Variants in ANAPC4 observed in about 807,000 individuals in gnomAD.
ANAPC4 encodes anaphase promoting complex subunit 4.
ANAPC4 carries 63 observed loss-of-function variants against 119.8 expected under a neutral mutation model. The ratio of observed to expected loss-of-function variants is 0.53; its 90% CI spans 0.43 to 0.65. ANAPC4 has a LOEUF of 0.65. ANAPC4 is among the 30% of genes least tolerant of loss of function. ANAPC4 has a pLI of 0.00. For missense variants in ANAPC4, 716 were observed against 945.1 expected, an observed-to-expected ratio of 0.76 and a Z score of 3.18; for synonymous variants, 283 against 318.6, an observed-to-expected ratio of 0.89 and a Z score of 1.19.
chr4:25,414,291 T>A (rs1190231512), intron 22 of ANAPC4, 33 bp from the exon 23 acceptor site: 1 of 1,396,490 alleles, frequency 7.2e-7, no homozygotes, highest in Non-Finnish European at 9.9e-7. Flanking sequence ...ATATTAACGC[T>A]CTAATTATAT....
At chr4:25,377,861 TA>T (rs1216934284) in intron 2 of ANAPC4, among the ~76,000 whole-genome samples, 6 of 152,376 alleles carry the variant, frequency 3.9e-5, no homozygotes, top group Admixed American at 3.3e-4. Context: ...ATTGGTTTAT[TA>T]GTTAAATGAA....
At chr4:25,415,670 A>T in intron 26 of ANAPC4, 130 bp downstream of exon 26, 1 of 680,638 alleles carries the variant, frequency 1.5e-6, no homozygotes, top group East Asian at 2.8e-5. Flanking sequence ...CATCAAGGGC[A>T]GGATTCTTTG....
intron 9 of ANAPC4, among the ~76,000 whole-genome samples, chr4:25,391,352 G>A (rs1391320340): frequency 6.6e-6 from 1 of 152,146 alleles, no homozygotes; most frequent in Non-Finnish European, 1.5e-5. Flanking sequence ...TTTAATATGT[G>A]CCATATGCTG....
intron 9 of ANAPC4, 103 bp downstream of exon 9, chr4:25,391,118 A>G: frequency 1.2e-6 from 1 of 828,738 alleles, no homozygotes; most frequent in Non-Finnish European, 1.8e-6. Flanking sequence ...TCATTAAAAT[A>G]ATGCAAAAAA....
At position 25,407,246 on chromosome 4, in the gene ANAPC4, T is replaced by C; in HGVS notation, c.1424T>C (p.Val475Ala). 1 of 1,608,204 alleles carries C rather than the reference T, an allele frequency of 6.2e-7. No individual in the cohort carries two copies. The highest frequency in any genetic ancestry group is 8.5e-7 in the Non-Finnish European group (1 of 1,178,100). Reference protein sequence around the residue: ...RKGKYFNVERVGQYLKDEDDD... With the variant: ...RKGKYFNVERAGQYLKDEDDD... ...GGAAAATACTTTAACGTTGAAAGAG[T>C]TGGTCAGGTATGGGCTTTGAACTCA... is the stretch of plus-strand genomic sequence containing the variant. The change falls in exon 20 of 29, where the codon GTT becomes GCT. Residue 475 changes from valine to alanine, a missense_variant. Coordinates refer to ENST00000315368, the MANE Select transcript of ANAPC4 (RefSeq NM_013367.3).
chr4:25,382,820 G>C (rs1721812327), intron 3 of ANAPC4, among the ~76,000 whole-genome samples: 1 of 152,162 alleles, frequency 6.6e-6, no homozygotes, highest in African/African-American at 2.4e-5. Context: ...TGTGTTTAAT[G>C]GCCTCGTTTC....
rs1723455839 is a variant in ANAPC4 at position 25,409,686 on chromosome 4, C to G, written c.1432-12C>G. 2 of 1,577,372 alleles carry G rather than the reference C, an allele frequency of 1.3e-6. No homozygotes were observed. The highest frequency in any genetic ancestry group is 1.7e-5 in the Admixed American group (1 of 57,882). On this transcript the variant is annotated splice_polypyrimidine_tract_variant and intron_variant, in intron 20 of 28. Transcript: ENST00000315368. Reference sequence around the variant, plus strand: ...TATGAATAAACTTAAATTTCTAATTCTGTATTTCTAGTACTTGAAAGATGA... The same window carrying G: ...TATGAATAAACTTAAATTTCTAATTGTGTATTTCTAGTACTTGAAAGATGA...
At chr4:25,381,503 G>A (rs927965686) in intron 3 of ANAPC4, among the ~76,000 whole-genome samples, 17 of 152,240 alleles carry the variant, frequency 1.1e-4, no homozygotes, top group Admixed American at 1.1e-3. Flanking sequence ...GTAGAGAAAA[G>A]GTTTCACTGT....
At position 25,394,690 on chromosome 4, in the gene ANAPC4, T is replaced by C; in HGVS notation, c.961T>C (p.Leu321=). ...GKASAELQTL[L]MNQLTVKGLK... is the part of the protein sequence containing the mutation. ...TTGTAGTGCTGAACTTCAGACTCTC[T>C]TGATGAATCAGTTAACAGTAAAGGT... Residue 321 remains leucine, a synonymous_variant, in exon 13 of 29, where the codon TTG becomes CTG. Coordinates refer to ENST00000315368, the MANE Select transcript of ANAPC4 (RefSeq NM_013367.3). 1 of 1,603,944 alleles carries C rather than the reference T, an allele frequency of 6.2e-7. No homozygotes were observed. The highest frequency in any genetic ancestry group is 1.3e-5 in the African/African-American group (1 of 74,482).
At chr4:25,398,656 T>G (rs1419878678) in intron 16 of ANAPC4, among the ~76,000 whole-genome samples, 1 of 152,128 alleles carries the variant, frequency 6.6e-6, no homozygotes, top group Non-Finnish European at 1.5e-5. Flanking sequence ...GGATATGATT[T>G]AGGCTTCAGA....
At chr4:25,400,553 G>A (rs902762397) in intron 16 of ANAPC4, among the ~76,000 whole-genome samples, 1 of 152,182 alleles carries the variant, frequency 6.6e-6, no homozygotes, top group Non-Finnish European at 1.5e-5. Flanking sequence ...AGGAGATCGA[G>A]TGCACTAATG....
chr4:25,406,952 A>T, intron 19 of ANAPC4, 67 bp downstream of exon 19: 1 of 1,264,740 alleles, frequency 7.9e-7, no homozygotes, highest in African/African-American at 1.5e-5. Context: ...TAATGACAAG[A>T]CATAATTAAA....
chr4:25,411,039 A>G (rs762315405), intron 21 of ANAPC4, among the ~76,000 whole-genome samples: 2 of 152,098 alleles, frequency 1.3e-5, no homozygotes, highest in Non-Finnish European at 2.9e-5. Context: ...GAGGGAGAGA[A>G]TTCTTTGATG....
chr4:25,385,218 T>C (rs1721965160), intron 4 of ANAPC4, among the ~76,000 whole-genome samples: 1 of 152,242 alleles, frequency 6.6e-6, no homozygotes, highest in African/African-American at 2.4e-5. Context: ...CATTGACTCC[T>C]CTCTAGCTAT....
At chr4:25,382,681 T>C (rs1721805749) in intron 3 of ANAPC4, among the ~76,000 whole-genome samples, 1 of 152,222 alleles carries the variant, frequency 6.6e-6, no homozygotes, top group African/African-American at 2.4e-5. Context: ...GTGATGGTGA[T>C]ATGCAGTGAA....
chr4:25,393,024 G>A (rs1175411257), intron 10 of ANAPC4, among the ~76,000 whole-genome samples: 6 of 152,136 alleles, frequency 3.9e-5, no homozygotes, highest in South Asian at 4.1e-4. Flanking sequence ...GCTGCATTCC[G>A]TTAGTCAAAG....
intron 16 of ANAPC4, among the ~76,000 whole-genome samples, chr4:25,400,248 A>G (rs1258534485): frequency 6.6e-6 from 1 of 152,230 alleles, no homozygotes; most frequent in South Asian, 2.1e-4. Context: ...CTAGAAGGTA[A>G]AAAATTGAGA....
intron 16 of ANAPC4, among the ~76,000 whole-genome samples, chr4:25,398,082 C>T (rs1170067960): frequency 6.6e-6 from 1 of 152,046 alleles, no homozygotes. Flanking sequence ...TTGTTTTAAA[C>T]TAGATTTTTG....
rs370638458 is a variant in ANAPC4, at chr4:25,396,669, C to T, written c.1067C>T (p.Ser356Leu). 2.0e-5 allele frequency: 32 copies of T among 1,604,376 alleles called. No homozygotes were observed. The highest frequency in any genetic ancestry group is 6.7e-5 in the South Asian group (6 of 89,484). ...TTTCTGCTCTGTTTGGATAGTGGCT[C>T]GGAGTCTTTATTATACCATTTGAGT... ...KLVISHLQSG[S>L]ESLLYHLSEL... Residue 356 changes from serine (S) to leucine (L), a missense_variant, in exon 15 of 29, where the codon TCG (serine) becomes TTG (leucine). By Grantham distance (145) the Ser-to-Leu change is moderately radical (BLOSUM62 -2). Around this residue, in one of 3 missense-constraint regions of ANAPC4, gnomAD observed 504 missense variants for 615.8 expected, o/e 0.82. Transcript: ENST00000315368.
Sources: gnomAD v4.1 joint callset for allele counts (sites outside exome capture counted in the v4.1 genomes callset) on GRCh38, gnomAD v4.1.1 for gene constraint, gnomAD v4.1.1 regional missense constraint, MANE v1.5 for transcripts, NCBI Gene and HGNC (gene_info 2026-07-23, HGNC 2026-07-21) for gene names.